CNTNAP5: variants seen among roughly 807,000 people sequenced by gnomAD.
The protein encoded by CNTNAP5 is contactin-associated protein-like 5.
Under a neutral mutation model 150.2 loss-of-function variants are expected in CNTNAP5, and 72 were observed. That is an observed-to-expected ratio of 0.48 (90% CI 0.40 to 0.58). The LOEUF (loss-of-function observed/expected upper bound fraction) is 0.58, where lower values mean the gene tolerates loss of function less well. Ranked by LOEUF, CNTNAP5 falls within the 20% of genes least tolerant of loss-of-function variation. The probability of loss-of-function intolerance (pLI) is 0.00; values close to 1 mark genes in which losing one functional copy is unlikely to be tolerated. For missense variants in CNTNAP5, 1,636 were observed against 1,626.2 expected, an observed-to-expected ratio of 1.01 and a Z score of -0.10; for synonymous variants, 672 against 619.8, an observed-to-expected ratio of 1.08 and a Z score of -1.25.
At chr2:124,431,163 G>T (rs1355114201) in intron 4 of CNTNAP5, among the ~76,000 whole-genome samples, 1 of 152,112 alleles carries the variant, frequency 6.6e-6, no homozygotes, top group African/African-American at 2.4e-5. Context: ...ACAACGTGGA[G>T]ATGTGTTTTC....
intron 11 of CNTNAP5, among the ~76,000 whole-genome samples, chr2:124,576,293 T>C (rs367595567): frequency 1.5e-4 from 23 of 152,142 alleles, no homozygotes; most frequent in African/African-American, 5.6e-4. Flanking sequence ...TGGCACAGAT[T>C]TCCTGCTGGC....
At chr2:124,716,204 A>T (rs1261398997) in intron 13 of CNTNAP5, among the ~76,000 whole-genome samples, 3 of 152,216 alleles carry the variant, frequency 2.0e-5, no homozygotes, top group Non-Finnish European at 4.4e-5. Flanking sequence ...GCAAAGTAAA[A>T]CAAAAAGTTG....
rs138020102 is a variant in CNTNAP5, at chr2:124,575,452, A to G, written c.1756+12129A>G. Among the ~76,000 whole-genome samples the G allele has an allele frequency of 6.6e-5, 10 of 152,168 alleles. No homozygotes were observed. The East Asian group carries it at 1.9e-3, about 29-fold the overall frequency. On this transcript the variant is annotated intron_variant, in intron 11 of 23. Transcript: ENST00000682447. ...TTGGAACGCTCTTGGGTCACAAACCATTTTCAGTCATGGCCCTGTATGTGT... is the reference window on the plus strand; with the variant it reads ...TTGGAACGCTCTTGGGTCACAAACCGTTTTCAGTCATGGCCCTGTATGTGT...
At chr2:124,723,743 T>C (rs1051608487) in intron 13 of CNTNAP5, among the ~76,000 whole-genome samples, 1 of 152,156 alleles carries the variant, frequency 6.6e-6, no homozygotes, top group African/African-American at 2.4e-5. Flanking sequence ...GAGTGCTTCT[T>C]CTGTGTGTTC....
intron 3 of CNTNAP5, among the ~76,000 whole-genome samples, chr2:124,244,402 G>T (rs1313939556): frequency 6.6e-6 from 1 of 152,132 alleles, no homozygotes; most frequent in African/African-American, 2.4e-5. Context: ...GAATTGAAGG[G>T]TGGGGGCAGG....
chr2:124,824,574 G>GA (rs1023921884), intron 19 of CNTNAP5, among the ~76,000 whole-genome samples: 6 of 151,850 alleles, frequency 4.0e-5, no homozygotes, highest in East Asian at 3.9e-4. Context: ...AGGTTAGCAT[G>GA]AAAAAAAATC....
rs187343238 is a variant in CNTNAP5 at position 124,891,917 on chromosome 2, T to C, written c.3437-10965T>C. The stretch of plus-strand genomic sequence containing the variant: ...AGCAGAAGTCACAAGAGTTTTCCAA[T>C]TGGCCCGGCTTCACAATTATGGGCC... On this transcript the variant is annotated intron_variant, in intron 21 of 23. Coordinates refer to ENST00000682447, the MANE Select transcript of CNTNAP5 (RefSeq NM_001367498.1). 2.6e-5 allele frequency among the ~76,000 whole-genome samples: 4 copies of C among 152,234 alleles called. No individual in the cohort carries two copies. In the East Asian group the frequency reaches 5.8e-4, roughly 22 times the overall value.
At chr2:124,052,708 C>A (rs949888356) in intron 1 of CNTNAP5, among the ~76,000 whole-genome samples, 6 of 152,130 alleles carry the variant, frequency 3.9e-5, no homozygotes, top group African/African-American at 1.4e-4. Context: ...GATACCTGTG[C>A]GCGTCTCTCC....
chr2:124,735,131 C>T (rs1680354558), intron 13 of CNTNAP5, among the ~76,000 whole-genome samples: 1 of 152,104 alleles, frequency 6.6e-6, no homozygotes, highest in South Asian at 2.1e-4. Context: ...TATATGTACC[C>T]CCTTTCCTCC....
intron 1 of CNTNAP5, among the ~76,000 whole-genome samples, chr2:124,190,939 A>T (rs1685444040): frequency 6.6e-6 from 1 of 152,102 alleles, no homozygotes; most frequent in Non-Finnish European, 1.5e-5. Flanking sequence ...ATTCTCTGGG[A>T]GGATACCACT....
At chr2:124,078,644 A>C (rs917102824) in intron 1 of CNTNAP5, among the ~76,000 whole-genome samples, 2 of 152,228 alleles carry the variant, frequency 1.3e-5, no homozygotes, top group African/African-American at 4.8e-5. Context: ...CATCCACTAG[A>C]GATAGAATAT....
chr2:124,596,126 GTC>G (rs1696824267), intron 11 of CNTNAP5, among the ~76,000 whole-genome samples: 1 of 131,524 alleles, frequency 7.6e-6, no homozygotes, highest in African/African-American at 3.0e-5. Context: ...AGTTTTTTGT[GTC>G]TCTATTTCCT....
intron 13 of CNTNAP5, among the ~76,000 whole-genome samples, chr2:124,736,721 T>C (rs1461290318): frequency 6.6e-6 from 1 of 152,214 alleles, no homozygotes; most frequent in Non-Finnish European, 1.5e-5. Context: ...ATATAGAAGC[T>C]AAAGGCATCA....
chr2:124,067,217 C>T (rs1297301608), intron 1 of CNTNAP5, among the ~76,000 whole-genome samples: 1 of 152,160 alleles, frequency 6.6e-6, no homozygotes, highest in East Asian at 1.9e-4. Context: ...CAAACTGCCA[C>T]CAACTTCATG....
chr2:124,706,746 C>CAAGAAGAGG (rs1679646736), intron 13 of CNTNAP5, among the ~76,000 whole-genome samples: 2 of 52,202 alleles, frequency 3.8e-5, no homozygotes, highest in African/African-American at 1.8e-4. Context: ...GACTCTGTTT[C>CAAGAAGAGG]AAGAAGAAGA....
rs1486652174 is a variant in CNTNAP5, at chr2:124,419,952, C to T, written c.529+2362C>T. Among the ~76,000 whole-genome samples, 52 of 75,706 alleles carry T rather than the reference C, an allele frequency of 6.9e-4. 1 individual carries two copies. The highest frequency in any genetic ancestry group is 1.1e-3 in the Non-Finnish European group (41 of 38,796). 49.7% of individuals were successfully genotyped at this position (75,706 alleles called of 152,430 possible). A position where few individuals can be genotyped will look rare whatever the true frequency, so the allele number is the denominator to read the frequency against. On this transcript the variant is annotated intron_variant, in intron 4 of 23. Coordinates refer to ENST00000682447, the MANE Select transcript of CNTNAP5 (RefSeq NM_001367498.1). ...TCTTTCTTTCTTTCTTTCTTTCTTTCTTTCCTTTTCTCTCTCTCTCTTTCT... is the reference window on the plus strand; with the variant it reads ...TCTTTCTTTCTTTCTTTCTTTCTTTTTTTCCTTTTCTCTCTCTCTCTTTCT...
intron 7 of CNTNAP5, among the ~76,000 whole-genome samples, chr2:124,487,364 A>C (rs1693909484): frequency 6.6e-6 from 1 of 152,326 alleles, no homozygotes; most frequent in East Asian, 1.9e-4. Flanking sequence ...CTAAATGAAC[A>C]TACGTAGCCT....
At chr2:124,853,417 G>A (rs1489625317) in intron 19 of CNTNAP5, among the ~76,000 whole-genome samples, 3 of 152,058 alleles carry the variant, frequency 2.0e-5, no homozygotes, top group Non-Finnish European at 4.4e-5. Context: ...TTCCTTTTGT[G>A]GGGTCACAGT....
intron 19 of CNTNAP5, among the ~76,000 whole-genome samples, chr2:124,845,291 T>G (rs1312629124): frequency 6.6e-6 from 1 of 152,162 alleles, no homozygotes; most frequent in Admixed American, 6.6e-5. Context: ...TTTATTGACT[T>G]ATGTCTGTTA....
Sources: gnomAD v4.1 joint callset for allele counts (sites outside exome capture counted in the v4.1 genomes callset) on GRCh38, gnomAD v4.1.1 for gene constraint, MANE v1.5 for transcripts, NCBI Gene and HGNC (gene_info 2026-07-23, HGNC 2026-07-21) for gene names.